Variants in RAB31 observed in about 807,000 individuals in gnomAD.
RAB31 encodes RAB31, member RAS oncogene family, also known as ras-related protein Rab-31.
In RAB31, 21 loss-of-function variants were observed where a neutral mutation model predicts 25.6. The observed-to-expected ratio is 0.82, with a 90% CI of 0.58 to 1.18. RAB31 has a LOEUF of 1.18. RAB31 is among the 50% of genes most tolerant of loss of function. RAB31 has a pLI of 0.00. For synonymous variants in RAB31, 87 were observed against 84.0 expected (o/e 1.04, Z -0.20); for missense variants, 196 against 250.1 (o/e 0.78, Z 1.46).
At chr18:9,820,300 T>C (rs965348899) in intron 5 of RAB31, among the ~76,000 whole-genome samples, 19 of 152,126 alleles carry the variant, frequency 1.2e-4, no homozygotes, top group African/African-American at 3.9e-4. Context: ...TGTAATTATA[T>C]GTTAATTGAT....
At chr18:9,740,139 G>C (rs986076900) in intron 1 of RAB31, among the ~76,000 whole-genome samples, 1 of 152,190 alleles carries the variant, frequency 6.6e-6, no homozygotes, top group African/African-American at 2.4e-5. Flanking sequence ...CGGCTGTTGA[G>C]CCTCTCTGAC....
intron 1 of RAB31, among the ~76,000 whole-genome samples, chr18:9,721,510 G>A (rs928551038): frequency 2.0e-5 from 3 of 152,044 alleles, no homozygotes; most frequent in Non-Finnish European, 2.9e-5. Flanking sequence ...CAGCTACTCA[G>A]GAGGCTGAGG....
intron 5 of RAB31, among the ~76,000 whole-genome samples, chr18:9,823,318 G>A (rs896660166): frequency 6.6e-6 from 1 of 152,114 alleles, no homozygotes; most frequent in African/African-American, 2.4e-5. Flanking sequence ...CTGTGGTGTC[G>A]GCACTGCTTG....
intron 1 of RAB31, among the ~76,000 whole-genome samples, chr18:9,746,559 A>G (rs1187912541): frequency 2.7e-5 from 4 of 150,168 alleles, no homozygotes; most frequent in African/African-American, 9.8e-5. Flanking sequence ...GTACTGACAT[A>G]AAGATAAGCC....
At chr18:9,759,197 G>T (rs2068275026) in intron 1 of RAB31, among the ~76,000 whole-genome samples, 1 of 151,972 alleles carries the variant, frequency 6.6e-6, no homozygotes, top group Non-Finnish European at 1.5e-5. Context: ...TTTTGTTTTT[G>T]TTTTTGTTTT....
chr18:9,801,735 C>T (rs77968132), intron 3 of RAB31, among the ~76,000 whole-genome samples: 2,103 of 152,292 alleles, frequency 0.014, 44 homozygotes, highest in African/African-American at 0.048. Flanking sequence ...TCCATATACT[C>T]ACCAACACTT....
At chr18:9,812,689 A>ATTTT (rs55968922) in intron 3 of RAB31, among the ~76,000 whole-genome samples, 15 of 90,234 alleles carry the variant, frequency 1.7e-4, no homozygotes, top group Admixed American at 5.2e-4. Context: ...CCAGGATACT[A>ATTTT]TTTTTTTTTT....
Position 9,775,152 on chromosome 18 carries a change from C to T in RAB31, c.40-126C>T, listed in dbSNP as rs7232286. ...AATAGAAGAAAATATCCCCCCACTC[C>T]CTCTCCCAGTCTCATCAACCAGAAA... On this transcript the variant is annotated intron_variant, in intron 1 of 6. Transcript: ENST00000578921. 12,894 of 1,456,254 alleles carry T rather than the reference C, an allele frequency of 8.9e-3. 1,031 individuals carry two copies. The African/African-American group carries it at 0.16, about 18-fold the overall frequency. 90.2% of individuals were successfully genotyped at this position (1,456,254 alleles called of 1,614,324 possible). A position where few individuals can be genotyped will look rare whatever the true frequency, so the allele number is the denominator to read the frequency against.
At chr18:9,747,545 C>T (rs570482207) in intron 1 of RAB31, among the ~76,000 whole-genome samples, 22 of 152,168 alleles carry the variant, frequency 1.4e-4, no homozygotes, top group Admixed American at 8.5e-4. Context: ...AATAAACTAC[C>T]GACACATGGT....
At chr18:9,777,565 A>G (rs2068378696) in intron 2 of RAB31, among the ~76,000 whole-genome samples, 1 of 152,078 alleles carries the variant, frequency 6.6e-6, no homozygotes, top group Non-Finnish European at 1.5e-5. Context: ...CTCTGAATGT[A>G]CTTTTTTCTC....
At chr18:9,770,323 AAGGCCGTTGC>A (rs2068337855) in intron 1 of RAB31, among the ~76,000 whole-genome samples, 2 of 152,278 alleles carry the variant, frequency 1.3e-5, no homozygotes, top group African/African-American at 4.8e-5. Flanking sequence ...AGGAAGCTTG[AAGGCCGTTGC>A]AGGAGTCCAG....
At chr18:9,789,713 GA>G (rs2068450637) in intron 2 of RAB31, among the ~76,000 whole-genome samples, 1 of 152,080 alleles carries the variant, frequency 6.6e-6, no homozygotes, top group South Asian at 2.1e-4. Flanking sequence ...TTTAAAATGG[GA>G]AAAGTAATAA....
chr18:9,729,888 T>C (rs1464357340), intron 1 of RAB31, among the ~76,000 whole-genome samples: 4 of 152,248 alleles, frequency 2.6e-5, no homozygotes. Context: ...TTTTTTACTC[T>C]TCTCTTGATG....
chr18:9,758,524 T>C (rs113795093), intron 1 of RAB31, among the ~76,000 whole-genome samples: 2,392 of 152,170 alleles, frequency 0.016, 17 homozygotes, highest in Middle Eastern at 0.054. Flanking sequence ...GGTTTCAGAT[T>C]TAGTGCCCCT....
intron 6 of RAB31, among the ~76,000 whole-genome samples, chr18:9,857,942 A>T (rs560501629): frequency 6.6e-6 from 1 of 152,086 alleles, no homozygotes; most frequent in East Asian, 1.9e-4. Context: ...AGGTGGGAGG[A>T]TCCCTTTAGC....
intron 5 of RAB31, among the ~76,000 whole-genome samples, chr18:9,831,339 C>T (rs2068677500): frequency 6.6e-6 from 1 of 152,204 alleles, no homozygotes; most frequent in Non-Finnish European, 1.5e-5. Flanking sequence ...TGACATATGC[C>T]TATCATTTTG....
chr18:9,798,950 T>C (rs1182949624), intron 3 of RAB31, among the ~76,000 whole-genome samples: 20 of 152,130 alleles, frequency 1.3e-4, no homozygotes, highest in Admixed American at 1.3e-3. Context: ...TAGCTGGGCG[T>C]GGTGGCACTT....
chr18:9,827,391 T>G (rs1187598989), intron 5 of RAB31, among the ~76,000 whole-genome samples: 2 of 151,960 alleles, frequency 1.3e-5, no homozygotes, highest in African/African-American at 4.8e-5. Context: ...GGGGGCTGGG[T>G]TGGGAAGTGG....
intron 2 of RAB31, among the ~76,000 whole-genome samples, chr18:9,790,455 C>T (rs55707368): frequency 0.043 from 6,488 of 151,756 alleles, 402 homozygotes; most frequent in African/African-American, 0.13. Flanking sequence ...AAGCTGGTCT[C>T]GAAACCCTGG....
Sources: allele counts gnomAD v4.1 joint callset (sites outside exome capture counted in the v4.1 genomes callset), GRCh38; gene constraint gnomAD v4.1.1; transcripts MANE v1.5; gene names NCBI Gene and HGNC (gene_info 2026-07-23, HGNC 2026-07-21).